Variants in DCDC2 observed in about 807,000 individuals in gnomAD.
DCDC2 encodes the protein doublecortin domain containing 2.
A neutral mutation model predicts 50.2 loss-of-function variants in DCDC2; 40 were observed. That is an observed-to-expected ratio of 0.80 (90% CI 0.62 to 1.04). The LOEUF is 1.04. Ranked by LOEUF, DCDC2 falls within the 50% of genes least tolerant of loss-of-function variation. The pLI is 0.00. For missense variants in DCDC2, 570 were observed against 581.9 expected, an observed-to-expected ratio of 0.98 and a Z score of 0.21; for synonymous variants, 234 against 210.6, an observed-to-expected ratio of 1.11 and a Z score of -0.96.
At chr6:24,228,582 TAGG>T (rs1359843047) in intron 7 of DCDC2, among the ~76,000 whole-genome samples, 1 of 152,248 alleles carries the variant, frequency 6.6e-6, no homozygotes, top group Non-Finnish European at 1.5e-5. Context: ...ATACAGCTGA[TAGG>T]AGTTCTGATA....
intron 8 of DCDC2, among the ~76,000 whole-genome samples, chr6:24,181,285 G>A (rs1042232074): frequency 1.3e-5 from 2 of 152,170 alleles, no homozygotes; most frequent in African/African-American, 4.8e-5. Flanking sequence ...GGTGTTTAAT[G>A]TATGTGACCT....
chr6:24,315,627 CA>C (rs989380272), intron 2 of DCDC2, among the ~76,000 whole-genome samples: 1 of 151,858 alleles, frequency 6.6e-6, no homozygotes, highest in Non-Finnish European at 1.5e-5. Flanking sequence ...TAGTGATACA[CA>C]AAAAAATAAG....
At chr6:24,275,273 T>C (rs1437172241) in intron 7 of DCDC2, among the ~76,000 whole-genome samples, 1 of 152,238 alleles carries the variant, frequency 6.6e-6, no homozygotes, top group Non-Finnish European at 1.5e-5. Flanking sequence ...TATTATAATC[T>C]GGAAAATTTC....
At chr6:24,234,525 T>C (rs1236633224) in intron 7 of DCDC2, among the ~76,000 whole-genome samples, 2 of 152,102 alleles carry the variant, frequency 1.3e-5, no homozygotes, top group East Asian at 1.9e-4. Flanking sequence ...TAGGAGGTTA[T>C]TGCTGCCTGT....
intron 7 of DCDC2, among the ~76,000 whole-genome samples, chr6:24,246,585 C>T (rs150118383): frequency 0.012 from 1,616 of 134,958 alleles, 32 homozygotes; most frequent in African/African-American, 0.041. Context: ...CTCCCAGGTT[C>T]AAGCGATTCT....
chr6:24,236,968 A>G (rs1275704017), intron 7 of DCDC2, among the ~76,000 whole-genome samples: 1 of 151,876 alleles, frequency 6.6e-6, no homozygotes, highest in Non-Finnish European at 1.5e-5. Context: ...AAGATTGCAC[A>G]ATTGCACTCC....
At chr6:24,351,125 A>G (rs1430483755) in intron 2 of DCDC2, among the ~76,000 whole-genome samples, 2 of 152,218 alleles carry the variant, frequency 1.3e-5, no homozygotes, top group South Asian at 2.1e-4. Flanking sequence ...AGTCAAAGTG[A>G]TATTTCCAGA....
intron 2 of DCDC2, among the ~76,000 whole-genome samples, chr6:24,305,131 T>G (rs928238621): frequency 6.6e-6 from 1 of 152,228 alleles, no homozygotes; most frequent in Non-Finnish European, 1.5e-5. Context: ...AGAGCACAGA[T>G]AGCTATAAAC....
intron 8 of DCDC2, among the ~76,000 whole-genome samples, chr6:24,181,919 C>CAA (rs1371546611): frequency 2.0e-5 from 3 of 152,104 alleles, no homozygotes; most frequent in African/African-American, 7.2e-5. Flanking sequence ...AAGCTTACTG[C>CAA]AAAGCTACAA....
At position 24,178,635 on chromosome 6, in the gene DCDC2, G is replaced by A. The variant is rs765153120; in HGVS notation, c.1024-3C>T. The A allele has an allele frequency of 1.9e-6, 3 of 1,609,920 alleles. No homozygotes were observed. The highest frequency in any genetic ancestry group is 1.7e-5 in the Admixed American group (1 of 59,762). ...TCGTCTACTATTTCTGCTGGCCTCT[G>A]ATGGATCAAAAGGAATAATGGATAA... On this transcript the variant is annotated splice_region_variant and splice_polypyrimidine_tract_variant and intron_variant, in intron 8 of 9. Transcript: ENST00000378454.
chr6:24,294,536 G>T (rs1031397647), intron 4 of DCDC2, among the ~76,000 whole-genome samples: 17 of 151,986 alleles, frequency 1.1e-4, no homozygotes, highest in African/African-American at 3.1e-4. Flanking sequence ...CCAGGAGTTG[G>T]TTTTTAAAAA....
intron 8 of DCDC2, among the ~76,000 whole-genome samples, chr6:24,183,006 G>A (rs897197726): frequency 2.6e-5 from 4 of 152,190 alleles, no homozygotes; most frequent in Non-Finnish European, 5.9e-5. Context: ...CAAAATGCAT[G>A]AAACAGAGAT....
At chr6:24,329,129 G>C (rs143512806) in intron 2 of DCDC2, among the ~76,000 whole-genome samples, 16 of 152,284 alleles carry the variant, frequency 1.1e-4, no homozygotes, top group Non-Finnish European at 1.8e-4. Context: ...GGTAAAAAAT[G>C]ATGAGCCCTC....
At chr6:24,354,579 T>C (rs797007669) in intron 1 of DCDC2, among the ~76,000 whole-genome samples, 1 of 152,184 alleles carries the variant, frequency 6.6e-6, no homozygotes, top group Non-Finnish European at 1.5e-5. Flanking sequence ...GTCATATTTT[T>C]AAAACAGTGC....
intron 2 of DCDC2, among the ~76,000 whole-genome samples, chr6:24,319,288 T>G (rs368785995): frequency 3.1e-4 from 2 of 6,380 alleles, no homozygotes; most frequent in African/African-American, 6.0e-4. Context: ...ATTTGTGGGG[T>G]TTTTTTTTTT....
rs1256401747 is a variant in DCDC2, at chr6:24,255,329, CAGT to C, written c.922+22717_922+22719del. ...AATTCCAGACAGATTGTAACTTTAA[CAGT>C]AGAAGGTAAAATAAGTTTATATCCA... On this transcript the variant is annotated intron_variant, in intron 7 of 9. Coordinates refer to ENST00000378454, the MANE Select transcript of DCDC2 (RefSeq NM_016356.5). 4.1e-5 allele frequency among the ~76,000 whole-genome samples: 6 copies of C among 145,426 alleles called. No homozygotes were observed. The South Asian group carries it at 1.1e-3, about 26-fold the overall frequency.
At chr6:24,177,214 A>G (rs148447137) in intron 9 of DCDC2, among the ~76,000 whole-genome samples, 13 of 152,348 alleles carry the variant, frequency 8.5e-5, no homozygotes, top group Admixed American at 8.5e-4. Context: ...GGAATTTCTT[A>G]TAGAATAGGA....
At chr6:24,375,428 C>G in the DCDC2 span, among the ~76,000 whole-genome samples, 2 of 149,170 alleles carry the variant, frequency 1.3e-5, no homozygotes, top group Admixed American at 6.7e-5. Flanking sequence ...CTCCCCCCCC[C>G]AACCCCGCTT....
chr6:24,364,638 T>C, the DCDC2 span, among the ~76,000 whole-genome samples: 3 of 151,982 alleles, frequency 2.0e-5, no homozygotes, highest in Non-Finnish European at 4.4e-5. Flanking sequence ...ATTTCATGAA[T>C]GCATAAACAA....
Sources: gnomAD v4.1 joint callset for allele counts (sites outside exome capture counted in the v4.1 genomes callset) on GRCh38, gnomAD v4.1.1 for gene constraint, MANE v1.5 for transcripts, NCBI Gene and HGNC (gene_info 2026-07-23, HGNC 2026-07-21) for gene names.